Variants in NPFFR2 observed in about 807,000 individuals in gnomAD.
The protein encoded by NPFFR2 is G-protein coupled receptor 74.
In NPFFR2, 15 loss-of-function variants were observed where a neutral mutation model predicts 13.1. The observed-to-expected ratio is 1.15, with a 90% CI of 0.77 to 1.76. NPFFR2 has a LOEUF of 1.76. Ranked by LOEUF, NPFFR2 falls within the 40% of genes most tolerant of loss-of-function variation. The pLI is 0.00. For missense variants in NPFFR2, 572 were observed against 503.5 expected (o/e 1.14, Z -1.30); for synonymous variants, 190 against 175.7 (o/e 1.08, Z -0.65).
chr4:72,096,915 T>C (rs1721090365), intron 1 of NPFFR2, among the ~76,000 whole-genome samples: 1 of 152,088 alleles, frequency 6.6e-6, no homozygotes, highest in Admixed American at 6.5e-5. Context: ...ACTGTCTATG[T>C]AATACAAATA....
intron 1 of NPFFR2, among the ~76,000 whole-genome samples, chr4:72,057,167 T>C (rs1053282098): frequency 5.3e-5 from 7 of 133,180 alleles, no homozygotes; most frequent in African/African-American, 1.9e-4. Context: ...ATAATAGAAT[T>C]TAAAAATTAC....
intron 3 of NPFFR2, 73 bp downstream of exon 3, chr4:72,138,212 C>T (rs559449239): frequency 2.5e-5 from 23 of 913,658 alleles, no homozygotes; most frequent in Admixed American, 1.9e-4. Flanking sequence ...AAATATATAA[C>T]CTACTAAATT....
At chr4:72,090,099 G>A (rs2109801028) in intron 1 of NPFFR2, among the ~76,000 whole-genome samples, 1 of 152,116 alleles carries the variant, frequency 6.6e-6, no homozygotes, top group South Asian at 2.1e-4. Flanking sequence ...CCACTCTTAT[G>A]TTTTTGTTTG....
intron 3 of NPFFR2, among the ~76,000 whole-genome samples, chr4:72,143,471 A>T (rs1722691941): frequency 6.6e-6 from 1 of 152,126 alleles, no homozygotes; most frequent in Non-Finnish European, 1.5e-5. Flanking sequence ...TCCTTCCTCT[A>T]CTTCTTGTTC....
In NPFFR2 at chr4:72,147,588, G is replaced by A. The variant is rs1722827607; in HGVS notation, c.1039G>A (p.Ala347Thr). ...GAATTTCCGCCGTGGTTTCCAAGAA[G>A]CTTTCCAGCTCCAGCTCTGCCAAAA... is the stretch of plus-strand genomic sequence containing the variant. ...NENFRRGFQE[A>T]FQLQLCQKRA... The change falls in exon 4 of 4, where the codon GCT becomes ACT. Residue 347 changes from alanine (A) to threonine (T), a missense_variant. Ala to Thr is a moderately conservative substitution (Grantham distance 58, BLOSUM62 0). Coordinates refer to ENST00000308744, the MANE Select transcript of NPFFR2 (RefSeq NM_004885.3). The A allele has an allele frequency of 1.2e-6, 2 of 1,614,174 alleles. No homozygotes were observed. Among genetic ancestry groups the A allele is most frequent in the Non-Finnish European group, 1.7e-6 (2 of 1,180,030 alleles).
chr4:72,073,870 A>T (rs749376105), intron 1 of NPFFR2, among the ~76,000 whole-genome samples: 9 of 152,014 alleles, frequency 5.9e-5, no homozygotes, highest in Admixed American at 6.6e-5. Flanking sequence ...AAAATAACTA[A>T]AGAGTATACT....
chr4:72,143,248 A>G (rs1349821408), intron 3 of NPFFR2, among the ~76,000 whole-genome samples: 3 of 152,202 alleles, frequency 2.0e-5, no homozygotes, highest in Non-Finnish European at 4.4e-5. Context: ...ACTCATAATT[A>G]TGAAAACTGA....
At chr4:72,094,537 G>A (rs761112522) in intron 1 of NPFFR2, among the ~76,000 whole-genome samples, 2 of 152,134 alleles carry the variant, frequency 1.3e-5, no homozygotes, top group African/African-American at 2.4e-5. Context: ...TGTGGGGGAT[G>A]AGGGTGTGGT....
chr4:72,105,239 G>T (rs1223123219), intron 1 of NPFFR2, among the ~76,000 whole-genome samples: 2 of 151,664 alleles, frequency 1.3e-5, no homozygotes, highest in Non-Finnish European at 2.9e-5. Context: ...TATAAAACAT[G>T]AAAAATATTT....
At chr4:72,034,638 A>T (rs1020584227) in intron 1 of NPFFR2, among the ~76,000 whole-genome samples, 1 of 152,230 alleles carries the variant, frequency 6.6e-6, no homozygotes, top group Non-Finnish European at 1.5e-5. Flanking sequence ...TCTCTTAAAC[A>T]TATGAATTTT....
Position 72,137,641 on chromosome 4 carries a change from A to G in NPFFR2, c.329-399A>G, listed in dbSNP as rs574491821. ...ATTATTGCATCAGAGTCAATGGTTT[A>G]GACTCTGGAGTCTTACTTCCCAGGT... On this transcript the variant is annotated intron_variant, in intron 2 of 3. Coordinates refer to ENST00000308744, the MANE Select transcript of NPFFR2 (RefSeq NM_004885.3). 5.3e-5 allele frequency among the ~76,000 whole-genome samples: 8 copies of G among 152,324 alleles called. 1 individual carries two copies. In the South Asian group the frequency reaches 1.7e-3, roughly 32 times the overall value.
chr4:72,098,412 C>T (rs995137998), intron 1 of NPFFR2, among the ~76,000 whole-genome samples: 1 of 152,102 alleles, frequency 6.6e-6, no homozygotes, highest in African/African-American at 2.4e-5. Flanking sequence ...CCCAGGATAG[C>T]TTTGAATATG....
chr4:72,064,471 G>A (rs1720010560), intron 1 of NPFFR2, among the ~76,000 whole-genome samples: 1 of 152,216 alleles, frequency 6.6e-6, no homozygotes, highest in Non-Finnish European at 1.5e-5. Flanking sequence ...GTGTGAGCAA[G>A]ATGGATGTCA....
At position 72,088,834 on chromosome 4, in the gene NPFFR2, C is replaced by CT. The variant is rs375125999; in HGVS notation, c.-7-39741dup. ...CCCTTGACATGTGGGGAAAACAATT[C>CT]TTTTTTTTTTCAATAGGTTTTGGGG... On this transcript the variant is annotated intron_variant, in intron 1 of 3. Coordinates refer to ENST00000308744, the MANE Select transcript of NPFFR2 (RefSeq NM_004885.3). Among the ~76,000 whole-genome samples the CT allele has an allele frequency of 9.3e-3, 1,387 of 149,382 alleles. 7 individuals carry two copies. Among genetic ancestry groups the CT allele is most frequent in the African/African-American group, 0.021 (849 of 40,782 alleles).
intron 1 of NPFFR2, among the ~76,000 whole-genome samples, chr4:72,118,866 G>A (rs1474817802): frequency 6.6e-6 from 1 of 151,992 alleles, no homozygotes; most frequent in Non-Finnish European, 1.5e-5. Context: ...GGTAAAGGCA[G>A]CAAAAATCTT....
At chr4:72,089,999 A>G (rs1720872999) in intron 1 of NPFFR2, among the ~76,000 whole-genome samples, 1 of 152,236 alleles carries the variant, frequency 6.6e-6, no homozygotes, top group East Asian at 1.9e-4. Context: ...TGATTTTTGT[A>G]TAAGGTGAGA....
chr4:72,136,098 G>A (rs1414024626), intron 2 of NPFFR2, among the ~76,000 whole-genome samples: 1 of 152,136 alleles, frequency 6.6e-6, no homozygotes. Context: ...GCTCATGCCT[G>A]TAATTTCAAC....
At chr4:72,066,375 A>G (rs530045517) in intron 1 of NPFFR2, among the ~76,000 whole-genome samples, 2 of 152,256 alleles carry the variant, frequency 1.3e-5, no homozygotes, top group Admixed American at 6.5e-5. Context: ...TTTTGAAGCA[A>G]TACATCCAAA....
chr4:72,045,983 A>G (rs1283255349), intron 1 of NPFFR2, among the ~76,000 whole-genome samples: 2 of 152,190 alleles, frequency 1.3e-5, no homozygotes, highest in African/African-American at 4.8e-5. Context: ...GGAGATATAT[A>G]TAAAGATGTT....
Sources: allele counts gnomAD v4.1 joint callset (sites outside exome capture counted in the v4.1 genomes callset), GRCh38; gene constraint gnomAD v4.1.1; transcripts MANE v1.5; gene names NCBI Gene and HGNC (gene_info 2026-07-23, HGNC 2026-07-21).